Variants in XPO4 observed in about 807,000 individuals in gnomAD.
XPO4 encodes exportin 4.
A neutral mutation model predicts 143.0 loss-of-function variants in XPO4; 39 were observed. That is an observed-to-expected ratio of 0.27 (90% CI 0.21 to 0.36). XPO4 has a LOEUF of 0.36. Ranked by LOEUF, XPO4 falls within the 10% of genes least tolerant of loss-of-function variation. The pLI is 1.00. For synonymous variants in XPO4, 439 were observed against 474.0 expected (o/e 0.93, Z 0.96); for missense variants, 907 against 1,348.0 (o/e 0.67, Z 5.12).
chr13:20,796,370 G>T, intron 17 of XPO4, 114 bp from the exon 18 acceptor site: 1 of 756,062 alleles, frequency 1.3e-6, no homozygotes, highest in Non-Finnish European at 1.9e-6. Flanking sequence ...AATAATTCTT[G>T]CTTTAAACTA....
At chr13:20,833,792 G>C (rs933833174) in intron 6 of XPO4, among the ~76,000 whole-genome samples, 4 of 152,124 alleles carry the variant, frequency 2.6e-5, no homozygotes, top group African/African-American at 9.7e-5. Flanking sequence ...AAAGAGAGAG[G>C]ACCCAGGCAG....
rs532551015 is a variant in XPO4 at position 20,902,386 on chromosome 13, A to G, written c.69+284T>C. ...TGCTCTGCGACCCAGTCTGTGGGGC[A>G]GGGTGTAAGGTGAAGAAATTCTCTT... On this transcript the variant is annotated intron_variant, in intron 1 of 22. Transcript: ENST00000255305. 31 of 985,414 alleles carry G rather than the reference A, an allele frequency of 3.1e-5. No individual in the cohort carries two copies. The South Asian group carries it at 1.4e-3, about 45-fold the overall frequency. 61.0% of individuals were successfully genotyped at this position (985,414 alleles called of 1,614,324 possible). A position where few individuals can be genotyped will look rare whatever the true frequency, so the allele number is the denominator to read the frequency against.
At chr13:20,815,321 G>A (rs996715239) in intron 9 of XPO4, among the ~76,000 whole-genome samples, 2 of 152,178 alleles carry the variant, frequency 1.3e-5, no homozygotes, top group East Asian at 1.9e-4. Flanking sequence ...TCTGGATGGC[G>A]ATGATGTGTC....
At chr13:20,856,409 C>T (rs981849099) in intron 3 of XPO4, 1 of 966,582 alleles carries the variant, frequency 1.0e-6, no homozygotes. Flanking sequence ...GGCATTTTAC[C>T]AAGCCCATTT....
At position 20,786,790 on chromosome 13, in the gene XPO4, C is replaced by G. The variant is rs183002229; in HGVS notation, c.3258+175G>C. 1.3e-5 allele frequency among the ~76,000 whole-genome samples: 2 copies of G among 152,262 alleles called. 1 individual carries two copies. Among genetic ancestry groups the G allele is most frequent in the Admixed American group, 1.3e-4 (2 of 15,304 alleles). On this transcript the variant is annotated intron_variant, in intron 22 of 22. Coordinates refer to ENST00000255305, the MANE Select transcript of XPO4 (RefSeq NM_022459.5). ...CTGACAAACAGCTGTCAGATAAACA[C>G]AAACTGACATGTGAAAGCTAATAAA... is the stretch of plus-strand genomic sequence containing the variant.
At chr13:20,856,615 C>T (rs1169782736) in intron 3 of XPO4, among the ~76,000 whole-genome samples, 1 of 152,214 alleles carries the variant, frequency 6.6e-6, no homozygotes, top group Non-Finnish European at 1.5e-5. Context: ...TTTCCTGGGA[C>T]AGCCTCAATT....
intron 1 of XPO4, among the ~76,000 whole-genome samples, chr13:20,877,753 T>C (rs1473546260): frequency 6.6e-6 from 1 of 152,198 alleles, no homozygotes; most frequent in Non-Finnish European, 1.5e-5. Context: ...AACAGAAATG[T>C]TGCCAATGAA....
intron 22 of XPO4, 72 bp downstream of exon 22, chr13:20,786,893 C>G: frequency 7.9e-7 from 1 of 1,268,092 alleles, no homozygotes; most frequent in East Asian, 2.6e-5. Flanking sequence ...ATTAATGACC[C>G]ACCATCTATC....
chr13:20,893,759 TC>T (rs1200037264), intron 1 of XPO4, among the ~76,000 whole-genome samples: 5 of 146,514 alleles, frequency 3.4e-5, no homozygotes, highest in Non-Finnish European at 6.0e-5. Context: ...AGGGTGAGAC[TC>T]TGTCTCAAAA....
At chr13:20,898,786 C>T (rs2060592578) in intron 1 of XPO4, among the ~76,000 whole-genome samples, 1 of 151,924 alleles carries the variant, frequency 6.6e-6, no homozygotes. Context: ...GAACACTAAA[C>T]TTTTCAATAA....
intron 3 of XPO4, among the ~76,000 whole-genome samples, chr13:20,857,620 G>A (rs375132486): frequency 8.6e-5 from 13 of 151,916 alleles, no homozygotes; most frequent in African/African-American, 2.7e-4. Flanking sequence ...CCAACTACTC[G>A]GGAGGCTGAG....
intron 1 of XPO4, among the ~76,000 whole-genome samples, chr13:20,894,981 C>T (rs759415374): frequency 7.2e-5 from 11 of 151,998 alleles, no homozygotes; most frequent in Non-Finnish European, 1.5e-4. Flanking sequence ...AGTTTGAGAA[C>T]AGCCTGGTCA....
In XPO4 at chr13:20,807,594, T is replaced by C. The variant is rs1423854822; in HGVS notation, c.1680A>G (p.Leu560=). 18 of 1,611,380 alleles carry C rather than the reference T, an allele frequency of 1.1e-5. No homozygotes were observed. Among genetic ancestry groups the C allele is most frequent in the Non-Finnish European group, 1.5e-5 (18 of 1,179,430 alleles). ...AATATTCCATTATTTCTGGAGGTAT[T>C]AGCGGAGTCTCTCCCTGAGTATCAT... ...LADDTQGETP[L]IPPEIMEYSI... Residue 560 remains leucine, a synonymous_variant, in exon 13 of 23, where the codon CTA becomes CTG. Transcript: ENST00000255305.
At chr13:20,884,641 G>A (rs2060444679) in intron 1 of XPO4, among the ~76,000 whole-genome samples, 1 of 152,016 alleles carries the variant, frequency 6.6e-6, no homozygotes. Context: ...TCAAAATCCT[G>A]GGCTCAAGTG....
rs557147486 is a variant in XPO4, at chr13:20,863,034, C to T, written c.176-176G>A. 6.0e-6 allele frequency: 8 copies of T among 1,326,870 alleles called. No individual in the cohort carries two copies. In the African/African-American group the frequency reaches 1.2e-4, roughly 19 times the overall value. The allele number at this position is 1,326,870 out of a possible 1,614,324, so 82.2% of individuals were successfully genotyped here. On this transcript the variant is annotated intron_variant, in intron 2 of 22. Transcript: ENST00000255305. ...AAAGAGGTTAGTTCCTCTCAGAAGA[C>T]ACCTCAGGCAGGTGGCAGCTAATCA...
At position 20,861,572 on chromosome 13, in the gene XPO4, A is replaced by G. The variant is rs565513005; in HGVS notation, c.317+1145T>C. 2.6e-5 allele frequency among the ~76,000 whole-genome samples: 4 copies of G among 152,204 alleles called. No individual in the cohort carries two copies. In the South Asian group the frequency reaches 8.3e-4, roughly 32 times the overall value. ...CAGCCTCCCAAAGTGCTGGAATTAT[A>G]GGCATGAGCCACCACATCAGGCCTC... On this transcript the variant is annotated intron_variant, in intron 3 of 22. Transcript: ENST00000255305.
At chr13:20,792,657 G>A (rs1201351260) in intron 18 of XPO4, among the ~76,000 whole-genome samples, 1 of 148,644 alleles carries the variant, frequency 6.7e-6, no homozygotes, top group East Asian at 2.0e-4. Context: ...TGAGGTGGAG[G>A]CTGCTGTGAG....
chr13:20,898,407 A>C (rs761115038), intron 1 of XPO4, among the ~76,000 whole-genome samples: 7 of 152,166 alleles, frequency 4.6e-5, no homozygotes, highest in Admixed American at 2.0e-4. Flanking sequence ...TCTACTAAAA[A>C]TACAAAAATT....
Position 20,797,050 on chromosome 13 carries a change from T to C in XPO4, c.2330A>G (p.Gln777Arg). Residue 777 changes from glutamine (Q) to arginine (R), a missense_variant, in exon 17 of 23, where the codon CAG (glutamine) becomes CGG (arginine). By Grantham distance (43) the Gln-to-Arg change is conservative (BLOSUM62 1). Transcript: ENST00000255305. ...TKQQYWTEVL[Q>R]PLQQRFLRVI... ...TCTTAAGAATCGCTGCTGAAGTGGC[T>C]GAAGAACCTATAAAAATAAACCAGG... is the stretch of plus-strand genomic sequence containing the variant. 6.3e-7 allele frequency: 1 copy of C among 1,576,670 alleles called. No individual in the cohort carries two copies. The highest frequency in any genetic ancestry group is 8.6e-7 in the Non-Finnish European group (1 of 1,162,874).
Sources: allele counts gnomAD v4.1 joint callset (sites outside exome capture counted in the v4.1 genomes callset), GRCh38; gene constraint gnomAD v4.1.1; transcripts MANE v1.5; gene names NCBI Gene and HGNC (gene_info 2026-07-23, HGNC 2026-07-21).